Variants in TNC observed in about 807,000 individuals in gnomAD.
The protein encoded by TNC is tenascin.
In TNC, 109 loss-of-function variants were observed where a neutral mutation model predicts 202.4. The observed-to-expected ratio is 0.54, with a 90% CI of 0.46 to 0.63. The LOEUF (loss-of-function observed/expected upper bound fraction) is 0.63, where lower values mean the gene tolerates loss of function less well. TNC is among the 30% of genes least tolerant of loss of function. The probability of loss-of-function intolerance (pLI) is 0.00; values close to 1 mark genes in which losing one functional copy is unlikely to be tolerated. For missense variants in TNC, 2,756 were observed against 2,833.3 expected (o/e 0.97, Z 0.62); for synonymous variants, 1,007 against 1,089.7 (o/e 0.92, Z 1.50).
chr9:115,097,595 G>A (rs1483438819), intron 1 of TNC, among the ~76,000 whole-genome samples: 1 of 152,284 alleles, frequency 6.6e-6, no homozygotes, highest in East Asian at 1.9e-4. Flanking sequence ...AAAAATGGTT[G>A]GATACAACTC....
chr9:115,057,121 A>T, intron 15 of TNC, 32 bp downstream of exon 15: 6 of 1,582,890 alleles, frequency 3.8e-6, no homozygotes, highest in Non-Finnish European at 4.3e-6. Flanking sequence ...CTGTGGAGAG[A>T]GTGCGTTAGA....
Position 115,081,913 on chromosome 9 carries a change from C to T in TNC, c.2263G>A (p.Gly755Arg). ...IFRNMNKEDE[G>R]EITKSLRRPE... Reference sequence around the variant, plus strand: ...CTCCTCAGGCTTTTGGTGATCTCTCCCTCATCTTCTTTATTCTGAGAGATA... The same window carrying T: ...CTCCTCAGGCTTTTGGTGATCTCTCTCTCATCTTCTTTATTCTGAGAGATA... Residue 755 changes from glycine (G) to arginine (R), a missense_variant, in exon 6 of 28, where the codon GGA becomes AGA. This residue lies in a region of TNC where 2,559 missense variants were observed against 2,546.0 expected (regional missense o/e 1.01). Coordinates refer to ENST00000350763, the MANE Select transcript of TNC (RefSeq NM_002160.4). 6.3e-7 allele frequency: 1 copy of T among 1,587,978 alleles called. No homozygotes were observed. Among genetic ancestry groups the T allele is most frequent in the Non-Finnish European group, 8.5e-7 (1 of 1,173,484 alleles).
chr9:115,094,815 CTCTGTGTGTG>C (rs1373102248), intron 1 of TNC, among the ~76,000 whole-genome samples: 3,021 of 125,222 alleles, frequency 0.024, 99 homozygotes, highest in South Asian at 0.029. Context: ...GAACAAGTGC[CTCTGTGTGTG>C]TGTGTGTGTG....
chr9:115,044,200 A>G (rs560400528), intron 17 of TNC, among the ~76,000 whole-genome samples: 53 of 151,898 alleles, frequency 3.5e-4, no homozygotes, highest in African/African-American at 1.2e-3. Context: ...GAAGAGGGAT[A>G]GGACATTACA....
chr9:115,074,098 G>C (rs1833667972), intron 9 of TNC, among the ~76,000 whole-genome samples: 1 of 152,096 alleles, frequency 6.6e-6, no homozygotes, highest in Non-Finnish European at 1.5e-5. Context: ...TAATGTCATG[G>C]AATATCCATT....
chr9:115,086,937 T>C lies in TNC; in HGVS notation c.794A>G (p.Asp265Gly). 1 of 1,614,150 alleles carries C rather than the reference T, an allele frequency of 6.2e-7. No individual in the cohort carries two copies. Among genetic ancestry groups the C allele is most frequent in the East Asian group, 2.2e-5 (1 of 44,870 alleles). The change falls in exon 3 of 28, where the codon GAT (aspartate) becomes GGT (glycine). Residue 265 changes from aspartate (D) to glycine (G), a missense_variant. Around this residue, in one of 2 missense-constraint regions of TNC, gnomAD observed 2,559 missense variants for 2,546.0 expected, o/e 1.01. Coordinates refer to ENST00000350763, the MANE Select transcript of TNC (RefSeq NM_002160.4). Reference protein sequence around the residue: ...PCSEEHGTCVDGLCVCHDGFA... With the variant: ...PCSEEHGTCVGGLCVCHDGFA... ...GCCATCGTGGCACACACACAAGCCA[T>C]CTACACATGTGCCGTGCTCCTCACT... is the stretch of plus-strand genomic sequence containing the variant.
At chr9:115,088,535 T>C (rs2133576429) in intron 2 of TNC, among the ~76,000 whole-genome samples, 1 of 152,292 alleles carries the variant, frequency 6.6e-6, no homozygotes, top group East Asian at 1.9e-4. Flanking sequence ...TTAGCTCAGT[T>C]TGCAGAAGTC....
At chr9:115,041,395 T>C (rs1250123255) in intron 18 of TNC, among the ~76,000 whole-genome samples, 3 of 152,088 alleles carry the variant, frequency 2.0e-5, no homozygotes, top group Admixed American at 6.5e-5. Flanking sequence ...TTTTATCTTA[T>C]TATTTTTCCC....
intron 15 of TNC, chr9:115,053,137 C>A (rs1831836628): frequency 6.5e-6 from 4 of 617,284 alleles, no homozygotes; most frequent in Non-Finnish European, 2.9e-6. Flanking sequence ...ACAGAAGAGA[C>A]AGTATGTTAG....
chr9:115,030,204 C>T, intron 24 of TNC, 50 bp downstream of exon 24: 1 of 1,543,826 alleles, frequency 6.5e-7, no homozygotes, highest in Non-Finnish European at 8.8e-7. Flanking sequence ...GCTTTGCCCT[C>T]TCCCTCTTCC....
At chr9:115,046,780 G>A in intron 16 of TNC, 98 bp from the exon 17 acceptor site, 5 of 1,375,838 alleles carry the variant, frequency 3.6e-6, no homozygotes, top group Non-Finnish European at 4.0e-6. Flanking sequence ...ATGTAGTGAT[G>A]CCCCGGCTTT....
Position 115,063,698 on chromosome 9 carries a change from G to A in TNC, c.3760+98C>T, listed in dbSNP as rs1000614941. The A allele has an allele frequency of 9.3e-6, 12 of 1,286,640 alleles. 1 individual carries two copies. The South Asian group carries it at 1.7e-4, about 18-fold the overall frequency. The allele number at this position is 1,286,640 out of a possible 1,614,324, so 79.7% of individuals were successfully genotyped here. On this transcript the variant is annotated intron_variant, in intron 12 of 27. Transcript: ENST00000350763. ...TGATTCACTGGTATTTCCCCAATGT[G>A]GTAGGAGCTGATCCCAGTTTAAAGC...
At chr9:115,027,386 T>C (rs1829588123) in intron 25 of TNC, among the ~76,000 whole-genome samples, 1 of 152,042 alleles carries the variant, frequency 6.6e-6, no homozygotes, top group African/African-American at 2.4e-5. Flanking sequence ...GGTCAGGAGT[T>C]CGAGACCAGC....
At position 115,062,921 on chromosome 9, in the gene TNC, G is replaced by T; in HGVS notation, c.4029C>A (p.Val1343=). Residue 1343 remains valine, a synonymous_variant, in exon 13 of 28, where the codon GTC becomes GTA. Transcript: ENST00000350763. ...HSTRPLAVEV[V]TEDLPQLGDL... ...TCTGGGAGGAGGGTCATATACCTGT[G>T]ACGACCTCTACAGCAAGGGGTCGAG... The T allele has an allele frequency of 6.2e-7, 1 of 1,612,630 alleles. No homozygotes were observed. Among genetic ancestry groups the T allele is most frequent in the Non-Finnish European group, 8.5e-7 (1 of 1,179,076 alleles).
chr9:115,026,935 C>A (rs1473481605), intron 25 of TNC, among the ~76,000 whole-genome samples: 4 of 151,904 alleles, frequency 2.6e-5, no homozygotes, highest in African/African-American at 9.7e-5. Flanking sequence ...ATGGCGAAAC[C>A]CTGTCTCTAC....
chr9:115,035,611 C>A, intron 21 of TNC: 1 of 330,156 alleles, frequency 3.0e-6, no homozygotes. Context: ...TTATCAAGCC[C>A]CTTGTTTCTA....
At chr9:115,053,323 G>A (rs1237175332) in intron 15 of TNC, among the ~76,000 whole-genome samples, 1 of 152,212 alleles carries the variant, frequency 6.6e-6, no homozygotes, top group African/African-American at 2.4e-5. Flanking sequence ...TAGAGTGGTA[G>A]ATTGGAGTAA....
chr9:115,078,777 G>T (rs1834076969), intron 6 of TNC, among the ~76,000 whole-genome samples: 1 of 152,120 alleles, frequency 6.6e-6, no homozygotes, highest in African/African-American at 2.4e-5. Context: ...GTTTTTGCAG[G>T]CTCATCTTGA....
At position 115,062,899 on chromosome 9, in the gene TNC, G is replaced by A. The variant is rs566516515; in HGVS notation, c.4033+18C>T. 2.5e-6 allele frequency: 4 copies of A among 1,602,488 alleles called. No individual in the cohort carries two copies. The highest frequency in any genetic ancestry group is 3.4e-6 in the Non-Finnish European group (4 of 1,171,210). On this transcript the variant is annotated intron_variant, in intron 13 of 27. Coordinates refer to ENST00000350763, the MANE Select transcript of TNC (RefSeq NM_002160.4). The stretch of plus-strand genomic sequence containing the variant: ...CTGGCTCCTATCATGTCTCCAGTCT[G>A]GGAGGAGGGTCATATACCTGTGACG...
Sources: gnomAD v4.1 joint callset for allele counts (sites outside exome capture counted in the v4.1 genomes callset) on GRCh38, gnomAD v4.1.1 for gene constraint, gnomAD v4.1.1 regional missense constraint, MANE v1.5 for transcripts, NCBI Gene and HGNC (gene_info 2026-07-23, HGNC 2026-07-21) for gene names.